Variants in EPB41L4A observed in about 807,000 individuals in gnomAD.
The protein encoded by EPB41L4A is band 4.1-like protein 4A.
In EPB41L4A, 100 loss-of-function variants were observed where a neutral mutation model predicts 108.6. The ratio of observed to expected loss-of-function variants is 0.92; its 90% confidence interval spans 0.78 to 1.09. The LOEUF (loss-of-function observed/expected upper bound fraction) is 1.09, where lower values mean the gene tolerates loss of function less well. EPB41L4A is among the 50% of genes least tolerant of loss of function. EPB41L4A has a pLI of 0.00. For missense variants in EPB41L4A, 1,030 were observed against 842.7 expected (o/e 1.22, Z -2.75); for synonymous variants, 319 against 289.0 (o/e 1.10, Z -1.05).
chr5:112,314,656 A>C (rs1192033901), intron 1 of EPB41L4A, among the ~76,000 whole-genome samples: 1 of 151,986 alleles, frequency 6.6e-6, no homozygotes, highest in Non-Finnish European at 1.5e-5. Flanking sequence ...AAAATACAAA[A>C]ACTTAGCTGG....
intron 18 of EPB41L4A, among the ~76,000 whole-genome samples, chr5:112,175,962 G>A (rs773559210): frequency 3.3e-5 from 5 of 152,142 alleles, no homozygotes; most frequent in Non-Finnish European, 5.9e-5. Flanking sequence ...AGCTGTAGTG[G>A]TTCCTAAATC....
At chr5:112,174,462 C>T (rs916312810) in intron 18 of EPB41L4A, among the ~76,000 whole-genome samples, 16 of 152,106 alleles carry the variant, frequency 1.1e-4, no homozygotes, top group African/African-American at 3.6e-4. Flanking sequence ...ACATGCAGCC[C>T]AGTATTAGTC....
chr5:112,147,766 C>A (rs2112793435), intron 12 of EPB41L4A, among the ~76,000 whole-genome samples: 1 of 151,924 alleles, frequency 6.6e-6, no homozygotes, highest in South Asian at 2.1e-4. Context: ...CAAATATAGG[C>A]CTACCTGGCT....
intron 1 of EPB41L4A, among the ~76,000 whole-genome samples, chr5:112,343,995 G>T: frequency 6.6e-6 from 1 of 152,166 alleles, no homozygotes; most frequent in East Asian, 1.9e-4. Context: ...TTTCAAGTCT[G>T]TAGTATGCTA....
At chr5:112,302,937 T>C (rs1754461915) in intron 2 of EPB41L4A, among the ~76,000 whole-genome samples, 2 of 152,138 alleles carry the variant, frequency 1.3e-5, no homozygotes, top group Admixed American at 1.3e-4. Context: ...CCTTCATGTG[T>C]TGTTGTCAGC....
At chr5:112,266,068 T>C (rs931773387) in intron 5 of EPB41L4A, among the ~76,000 whole-genome samples, 165 bp downstream of exon 5, 2 of 152,244 alleles carry the variant, frequency 1.3e-5, no homozygotes, top group African/African-American at 2.4e-5. Context: ...CACTTTTACC[T>C]GTTCCGAAGG....
chr5:112,170,411 T>C (rs1332597206), intron 19 of EPB41L4A, 42 bp from the exon 20 acceptor site: 2 of 1,267,158 alleles, frequency 1.6e-6, no homozygotes, highest in South Asian at 1.2e-5. Flanking sequence ...GTGGTGCTGG[T>C]ATAAATGCTA....
At chr5:112,391,875 T>C (rs1394826719) in intron 1 of EPB41L4A, among the ~76,000 whole-genome samples, 1 of 152,150 alleles carries the variant, frequency 6.6e-6, no homozygotes, top group Non-Finnish European at 1.5e-5. Context: ...ACAGCAGATC[T>C]CTCGGCAGAA....
intron 1 of EPB41L4A, among the ~76,000 whole-genome samples, chr5:112,407,001 G>A (rs1433041862): frequency 2.0e-5 from 3 of 152,176 alleles, no homozygotes; most frequent in African/African-American, 7.2e-5. Flanking sequence ...GGGTAGCATC[G>A]TGGGGCTGAA....
intron 1 of EPB41L4A, among the ~76,000 whole-genome samples, chr5:112,329,089 T>C (rs1219361842): frequency 1.3e-5 from 2 of 152,240 alleles, no homozygotes; most frequent in Non-Finnish European, 2.9e-5. Flanking sequence ...CATGTGTGGC[T>C]GCTAAGTCCT....
Position 112,280,395 on chromosome 5 carries a change from C to A in EPB41L4A, c.205-72G>T, listed in dbSNP as rs1038805340. ...TTAGCTTTTACTTCAAGAATATTTG[C>A]AAAATGTTATTTAAACAACATTTTA... On this transcript the variant is annotated intron_variant, in intron 2 of 22. Coordinates refer to ENST00000261486, the MANE Select transcript of EPB41L4A (RefSeq NM_022140.5). 9.5e-6 allele frequency: 13 copies of A among 1,372,880 alleles called. No homozygotes were observed. In the East Asian group the frequency reaches 2.8e-4, roughly 29 times the overall value. The allele number at this position is 1,372,880 out of a possible 1,614,324, so 85.0% of individuals were successfully genotyped here.
chr5:112,232,557 T>C (rs1339046056), intron 12 of EPB41L4A, among the ~76,000 whole-genome samples: 1 of 152,206 alleles, frequency 6.6e-6, no homozygotes, highest in Non-Finnish European at 1.5e-5. Context: ...AATTTGACTT[T>C]AGAAGCAGTA....
chr5:112,196,231 G>C (rs1234240022), intron 15 of EPB41L4A, among the ~76,000 whole-genome samples: 1 of 152,056 alleles, frequency 6.6e-6, no homozygotes, highest in Non-Finnish European at 1.5e-5. Context: ...GCTTCAATGG[G>C]GCATCCTGGT....
At chr5:112,161,702 G>A (rs1229263581), downstream of EPB41L4A, 1 of 484,872 alleles carries the variant, frequency 2.1e-6, no homozygotes, top group African/African-American at 2.0e-5. Flanking sequence ...TTTTTGTTCA[G>A]GTGGAAGATG....
At chr5:112,377,865 T>G (rs988228314) in intron 1 of EPB41L4A, among the ~76,000 whole-genome samples, 3 of 152,008 alleles carry the variant, frequency 2.0e-5, no homozygotes, top group Non-Finnish European at 4.4e-5. Context: ...AAAATCACAC[T>G]GCTAACCCCC....
rs537165800 is a variant in EPB41L4A, at chr5:112,201,644, C to A, written c.1376+2731G>T. ...ATCTACGAATAATATATGCTAAATT[C>A]TAATCATCCCTGCCACCTATGTCGC... On this transcript the variant is annotated intron_variant, in intron 15 of 22. Coordinates refer to ENST00000261486, the MANE Select transcript of EPB41L4A (RefSeq NM_022140.5). 1.5e-4 allele frequency among the ~76,000 whole-genome samples: 23 copies of A among 152,282 alleles called. 1 individual carries two copies. In the South Asian group the frequency reaches 4.6e-3, roughly 30 times the overall value.
chr5:112,144,882 G>A lies in EPB41L4A; in HGVS notation n.1112+999C>T, dbSNP rs187434251. Reference sequence around the variant, plus strand: ...AGGTTATAGCACCTAGAATTGAAAAGAGGGTAGTCCAGCCTGCAGGAGAAG... The same window carrying A: ...AGGTTATAGCACCTAGAATTGAAAAAAGGGTAGTCCAGCCTGCAGGAGAAG... On this transcript the variant is annotated intron_variant and non_coding_transcript_variant, in intron 13 of 13. Transcript: ENST00000507810. 1.2e-4 allele frequency among the ~76,000 whole-genome samples: 19 copies of A among 152,288 alleles called. No homozygotes were observed. The East Asian group carries it at 3.5e-3, about 28-fold the overall frequency.
At chr5:112,315,828 AAAG>A (rs537713640) in intron 1 of EPB41L4A, among the ~76,000 whole-genome samples, 1 of 152,284 alleles carries the variant, frequency 6.6e-6, no homozygotes, top group East Asian at 1.9e-4. Flanking sequence ...TCAAAAAAAT[AAAG>A]AAGACTTGAT....
intron 22 of EPB41L4A, among the ~76,000 whole-genome samples, chr5:112,167,618 C>A (rs959508872): frequency 1.3e-5 from 2 of 152,144 alleles, no homozygotes; most frequent in Non-Finnish European, 2.9e-5. Flanking sequence ...AAAAGTTCAA[C>A]CCCCTTGTCC....
Sources: allele counts gnomAD v4.1 joint callset (sites outside exome capture counted in the v4.1 genomes callset), GRCh38; gene constraint gnomAD v4.1.1; transcripts MANE v1.5; gene names NCBI Gene and HGNC (gene_info 2026-07-23, HGNC 2026-07-21).